ROS1: variants seen among roughly 807,000 people sequenced by gnomAD.
ROS1 encodes proto-oncogene tyrosine-protein kinase ROS.
A neutral mutation model predicts 273.5 loss-of-function variants in ROS1; 263 were observed. That is an observed-to-expected ratio of 0.96 (90% CI 0.87 to 1.06). The LOEUF is 1.06. ROS1 is among the 50% of genes least tolerant of loss of function. ROS1 has a pLI of 0.00. For missense variants in ROS1, 2,833 were observed against 2,751.1 expected (o/e 1.03, Z -0.67); for synonymous variants, 1,008 against 954.1 (o/e 1.06, Z -1.04).
At chr6:117,423,940 C>A (rs1194478556) in intron 1 of ROS1, among the ~76,000 whole-genome samples, 1 of 152,108 alleles carries the variant, frequency 6.6e-6, no homozygotes, top group Non-Finnish European at 1.5e-5. Context: ...ATTGGCAGAC[C>A]GTGTCTCTCT....
Position 117,310,227 on chromosome 6 carries a change from C to T in ROS1, c.6270G>A (p.Arg2090=), listed in dbSNP as rs1775434036. ...GTCCAAAGTCTCCAATCTTCACTAT[C>T]CGTGGACTGGTATAGTCTTTCACGG... ...LVSVKDYTSP[R]IVKIGDFGLA... is the part of the protein sequence containing the mutation. The change falls in exon 41 of 44, where the codon CGG becomes CGA. Residue 2090 remains arginine (R), a synonymous_variant. Transcript: ENST00000368507. The T allele has an allele frequency of 6.2e-7, 1 of 1,613,316 alleles. No individual in the cohort carries two copies. Among genetic ancestry groups the T allele is most frequent in the Non-Finnish European group, 8.5e-7 (1 of 1,179,526 alleles).
intron 9 of ROS1, among the ~76,000 whole-genome samples, chr6:117,395,636 T>C (rs1227350741): frequency 1.3e-5 from 2 of 152,178 alleles, no homozygotes; most frequent in Non-Finnish European, 2.9e-5. Flanking sequence ...ACATATATCA[T>C]ACAGTAAGTA....
At chr6:117,328,393 C>T (rs189006993) in intron 33 of ROS1, 49 of 291,340 alleles carry the variant, frequency 1.7e-4, no homozygotes, top group African/African-American at 9.1e-4. Context: ...TGATGAACAT[C>T]ATTACAGTCA....
At chr6:117,379,620 A>C (rs1228806873) in intron 17 of ROS1, among the ~76,000 whole-genome samples, 2 of 152,126 alleles carry the variant, frequency 1.3e-5, no homozygotes, top group African/African-American at 4.8e-5. Flanking sequence ...TTGTTATCAA[A>C]CATAGCTGCA....
chr6:117,416,341 T>C (rs1421556023), intron 2 of ROS1, 24 bp from the exon 3 acceptor site: 5 of 1,494,598 alleles, frequency 3.3e-6, no homozygotes, highest in Non-Finnish European at 4.7e-6. Flanking sequence ...TAACAGACAA[T>C]GGTGAGTGAT....
At chr6:117,382,916 A>G (rs1772271141) in intron 17 of ROS1, among the ~76,000 whole-genome samples, 1 of 152,188 alleles carries the variant, frequency 6.6e-6, no homozygotes, top group Non-Finnish European at 1.5e-5. Flanking sequence ...TTTTTAAAAC[A>G]GTCAGTGCCC....
chr6:117,365,158 C>T lies in ROS1; in HGVS notation c.3005G>A (p.Gly1002Glu), dbSNP rs748850729. 1.2e-6 allele frequency: 2 copies of T among 1,613,082 alleles called. No homozygotes were observed. The highest frequency in any genetic ancestry group is 2.2e-5 in the East Asian group (1 of 44,870). The change falls in exon 21 of 44, where the codon GGA becomes GAA. Residue 1002 changes from glycine (G) to glutamate (E), a missense_variant. Coordinates refer to ENST00000368507, the MANE Select transcript of ROS1 (RefSeq NM_001378902.1). ...QHSLPVFTVE[G>E]LEPYALFNLS... ...ATTAAATAAGGCATAAGGTTCCAGT[C>T]CTTCCACAGTAAATACAGGTAAAGA...
intron 2 of ROS1, 75 bp from the exon 3 acceptor site, chr6:117,416,392 G>T: frequency 1.0e-6 from 1 of 969,368 alleles, no homozygotes; most frequent in Non-Finnish European, 1.7e-6. Context: ...AAAGTACAAT[G>T]TAGTAACAAA....
At chr6:117,375,320 G>C (rs1233714342) in intron 18 of ROS1, among the ~76,000 whole-genome samples, 2 of 152,166 alleles carry the variant, frequency 1.3e-5, no homozygotes, top group Non-Finnish European at 2.9e-5. Flanking sequence ...AGGGATAAAA[G>C]ACTACACACT....
rs188336188 is a variant in ROS1 at position 117,408,400 on chromosome 6, G to A, written c.316+1182C>T. The stretch of plus-strand genomic sequence containing the variant: ...CAAACAACCCCATCAAAAAGTGGGC[G>A]AAGGATACGAACAGGCACTTCTCCA... On this transcript the variant is annotated intron_variant, in intron 5 of 43. Coordinates refer to ENST00000368507, the MANE Select transcript of ROS1 (RefSeq NM_001378902.1). Among the ~76,000 whole-genome samples, 516 of 152,244 alleles carry A rather than the reference G, an allele frequency of 3.4e-3. 1 individual carries two copies. The highest frequency in any genetic ancestry group is 6.8e-3 in the Middle Eastern group (2 of 292).
At chr6:117,321,201 C>G (rs202120585) in intron 36 of ROS1, 58 bp downstream of exon 36, 12 of 1,581,360 alleles carry the variant, frequency 7.6e-6, no homozygotes, top group South Asian at 2.3e-5. Flanking sequence ...TAGGCACTCT[C>G]CTTACTGTTG....
At chr6:117,369,230 C>A (rs1431391655) in intron 18 of ROS1, among the ~76,000 whole-genome samples, 1 of 152,152 alleles carries the variant, frequency 6.6e-6, no homozygotes, top group African/African-American at 2.4e-5. Flanking sequence ...TCACTGGGAG[C>A]TGCTATGCTC....
At chr6:117,405,032 G>A (rs1473225749) in intron 5 of ROS1, among the ~76,000 whole-genome samples, 1 of 152,130 alleles carries the variant, frequency 6.6e-6, no homozygotes, top group Non-Finnish European at 1.5e-5. Flanking sequence ...GGTACTAAGG[G>A]CTAGATTTCT....
At chr6:117,374,208 T>C (rs186405902) in intron 18 of ROS1, among the ~76,000 whole-genome samples, 1 of 151,906 alleles carries the variant, frequency 6.6e-6, no homozygotes, top group East Asian at 1.9e-4. Flanking sequence ...AAAGAACAAA[T>C]CTGGAGGCAT....
intron 1 of ROS1, 50 bp downstream of exon 1, chr6:117,425,484 G>A: frequency 2.6e-6 from 4 of 1,518,616 alleles, no homozygotes; most frequent in Non-Finnish European, 3.5e-6. Flanking sequence ...CAAGCTGAAT[G>A]CTACATGTTC....
chr6:117,386,775 C>T, intron 15 of ROS1, 114 bp downstream of exon 15: 4 of 523,464 alleles, frequency 7.6e-6, no homozygotes, highest in Middle Eastern at 2.9e-4. Flanking sequence ...ATATTTTTTC[C>T]TTTCACTATT....
In ROS1 at chr6:117,403,232, TGAAGG is replaced by T; in HGVS notation, c.506_510del (p.Pro169HisfsTer2). ...CAAACCACTCGGAAAATGTACTCAG[TGAAGG>T]GGTGCAGGGGCTTGACCACATAGGA... On this transcript the variant is annotated frameshift_variant, in exon 7 of 44. Coordinates refer to ENST00000368507, the MANE Select transcript of ROS1 (RefSeq NM_001378902.1). LOFTEE classifies it high-confidence loss of function. The T allele has an allele frequency of 1.2e-6, 2 of 1,612,324 alleles. No individual in the cohort carries two copies.
At chr6:117,423,158 G>A (rs1775883470) in intron 1 of ROS1, among the ~76,000 whole-genome samples, 1 of 152,116 alleles carries the variant, frequency 6.6e-6, no homozygotes, top group African/African-American at 2.4e-5. Flanking sequence ...GGGGACTTAG[G>A]GGAAAGAGTG....
intron 32 of ROS1, among the ~76,000 whole-genome samples, chr6:117,332,119 G>A (rs1777118630): frequency 6.6e-6 from 1 of 151,382 alleles, no homozygotes; most frequent in Non-Finnish European, 1.5e-5. Flanking sequence ...GACACACACA[G>A]GCTCAAAATA....
Sources: allele counts gnomAD v4.1 joint callset (sites outside exome capture counted in the v4.1 genomes callset), GRCh38; gene constraint gnomAD v4.1.1; transcripts MANE v1.5; gene names NCBI Gene and HGNC (gene_info 2026-07-23, HGNC 2026-07-21).